Variants in CCDC171 observed in about 807,000 individuals in gnomAD.
The protein encoded by CCDC171 is coiled-coil domain-containing protein 171.
Under a neutral mutation model 168.2 loss-of-function variants are expected in CCDC171, and 177 were observed. That is an observed-to-expected ratio of 1.05 (90% confidence interval 0.93 to 1.19). CCDC171 has a LOEUF of 1.19. CCDC171 is among the 50% of genes most tolerant of loss of function. CCDC171 has a pLI of 0.00. For missense variants in CCDC171, 1,991 were observed against 1,539.0 expected (o/e 1.29, Z -4.91); for synonymous variants, 687 against 540.8 (o/e 1.27, Z -3.75).
chr9:15,631,181 C>A (rs1460067583), intron 7 of CCDC171, among the ~76,000 whole-genome samples: 4 of 151,884 alleles, frequency 2.6e-5, no homozygotes, highest in South Asian at 2.1e-4. Context: ...CAGAGCAGAA[C>A]TGAAGGAAAT....
chr9:16,046,358 G>T (rs1244907628), intron 1 of CCDC171, among the ~76,000 whole-genome samples: 1 of 152,138 alleles, frequency 6.6e-6, no homozygotes, highest in Admixed American at 6.5e-5. Context: ...AGAGACTTGG[G>T]TCTGCAGAGC....
At chr9:15,989,359 T>C (rs1475109576) in intron 3 of CCDC171, among the ~76,000 whole-genome samples, 1 of 152,180 alleles carries the variant, frequency 6.6e-6, no homozygotes, top group East Asian at 1.9e-4. Flanking sequence ...GACCTGCAGC[T>C]GAGGGTCCTG....
intron 21 of CCDC171, among the ~76,000 whole-genome samples, chr9:15,820,584 C>G (rs1438283911): frequency 8.5e-6 from 1 of 117,844 alleles, no homozygotes; most frequent in African/African-American, 3.2e-5. Context: ...ACTAGAAAAT[C>G]TAGAAGAAAT....
chr9:16,095,636 A>G, the CCDC171 span, among the ~76,000 whole-genome samples: 23,170 of 151,762 alleles, frequency 0.15, 4,468 homozygotes, highest in African/African-American at 0.46. Flanking sequence ...CTATTTCCCC[A>G]TAGAAATGAA....
chr9:15,965,001 G>T (rs114210200), intron 25 of CCDC171, among the ~76,000 whole-genome samples: 1 of 152,136 alleles, frequency 6.6e-6, no homozygotes, highest in Non-Finnish European at 1.5e-5. Flanking sequence ...GACTTCAGGT[G>T]ATCTTCCAGC....
At chr9:15,810,673 G>A (rs895869661) in intron 21 of CCDC171, among the ~76,000 whole-genome samples, 1 of 152,216 alleles carries the variant, frequency 6.6e-6, no homozygotes, top group Non-Finnish European at 1.5e-5. Context: ...GCCTGGGGCC[G>A]GCAGTGCCGG....
At chr9:15,676,797 T>C (rs929396066) in intron 9 of CCDC171, among the ~76,000 whole-genome samples, 7 of 152,152 alleles carry the variant, frequency 4.6e-5, no homozygotes, top group Non-Finnish European at 1.0e-4. Context: ...TCAGTTTTAG[T>C]GTTTGAGAAG....
At position 15,897,638 on chromosome 9, in the gene CCDC171, CAT is replaced by C. The variant is rs557425601; in HGVS notation, c.3601-22630_3601-22629del. On this transcript the variant is annotated intron_variant, in intron 24 of 25. Coordinates refer to ENST00000380701, the MANE Select transcript of CCDC171 (RefSeq NM_173550.4). Reference sequence around the variant, plus strand: ...GTGAGATCTTTGAAAATCCTGGTGTCATAGCAAAATTCAAAAGGGGTTTGCTT... The same window carrying C: ...GTGAGATCTTTGAAAATCCTGGTGTCAGCAAAATTCAAAAGGGGTTTGCTT... 8.5e-5 allele frequency among the ~76,000 whole-genome samples: 13 copies of C among 152,128 alleles called. No individual in the cohort carries two copies. The South Asian group carries it at 2.7e-3, about 32-fold the overall frequency.
intron 1 of CCDC171, among the ~76,000 whole-genome samples, chr9:16,056,735 G>T (rs1833848685): frequency 1.3e-5 from 2 of 152,160 alleles, no homozygotes; most frequent in Admixed American, 1.3e-4. Context: ...TGATCTGCCT[G>T]CCTTGGTTTC....
chr9:15,744,923 GTA>G, intron 17 of CCDC171, 146 bp downstream of exon 17: 1 of 768,556 alleles, frequency 1.3e-6, no homozygotes, highest in Non-Finnish European at 2.0e-6. Context: ...GTATATGTGT[GTA>G]TGGATAAGTG....
chr9:16,030,329 A>T (rs769459812), intron 6 of CCDC171, among the ~76,000 whole-genome samples: 3 of 152,156 alleles, frequency 2.0e-5, no homozygotes, highest in Non-Finnish European at 4.4e-5. Flanking sequence ...TGTGTGTTTT[A>T]TATGAATGGC....
intron 23 of CCDC171, among the ~76,000 whole-genome samples, chr9:15,862,828 T>TA (rs1341155552): frequency 6.6e-6 from 1 of 152,040 alleles, no homozygotes; most frequent in Non-Finnish European, 1.5e-5. Context: ...TACTTTGTAG[T>TA]ATGCCTCATC....
chr9:15,970,183 A>G (rs979535282), intron 25 of CCDC171, among the ~76,000 whole-genome samples: 1 of 152,152 alleles, frequency 6.6e-6, no homozygotes, highest in Non-Finnish European at 1.5e-5. Context: ...TTAGATGCAG[A>G]TATTGATTTT....
At chr9:15,554,140 C>T (rs1369978011) in intron 1 of CCDC171, among the ~76,000 whole-genome samples, 1 of 152,070 alleles carries the variant, frequency 6.6e-6, no homozygotes, top group East Asian at 1.9e-4. Flanking sequence ...CTGTCTCAGC[C>T]TCCCCAGCAG....
At chr9:16,041,233 A>G (rs990804068), upstream of CCDC171, among the ~76,000 whole-genome samples, 4 of 152,232 alleles carry the variant, frequency 2.6e-5, no homozygotes, top group African/African-American at 4.8e-5. Context: ...GACAGATTTC[A>G]TGGAAGAAGT....
At chr9:15,900,925 G>A (rs1200487099) in intron 24 of CCDC171, among the ~76,000 whole-genome samples, 2 of 152,146 alleles carry the variant, frequency 1.3e-5, no homozygotes, top group East Asian at 3.9e-4. Flanking sequence ...TGCTTCCAGT[G>A]TACATCTACA....
intron 6 of CCDC171, among the ~76,000 whole-genome samples, chr9:16,031,584 G>A (rs1833364913): frequency 6.6e-6 from 1 of 152,170 alleles, no homozygotes; most frequent in African/African-American, 2.4e-5. Flanking sequence ...TCCCTCAATT[G>A]GATCTGTATA....
chr9:15,710,988 T>C (rs2052619893), intron 11 of CCDC171, among the ~76,000 whole-genome samples: 1 of 152,210 alleles, frequency 6.6e-6, no homozygotes, highest in African/African-American at 2.4e-5. Flanking sequence ...ATTTTTCTGA[T>C]TGCATCCCAT....
chr9:15,555,957 T>G (rs12352398), intron 1 of CCDC171, among the ~76,000 whole-genome samples: 9,361 of 152,164 alleles, frequency 0.062, 388 homozygotes, highest in African/African-American at 0.11. Context: ...CCTTGCGATA[T>G]TTTGCTCAGA....
Sources: gnomAD v4.1 joint callset for allele counts (sites outside exome capture counted in the v4.1 genomes callset) on GRCh38, gnomAD v4.1.1 for gene constraint, MANE v1.5 for transcripts, NCBI Gene and HGNC (gene_info 2026-07-23, HGNC 2026-07-21) for gene names.